The following LIX1 variants were observed in gnomAD, a reference collection of about 807,000 sequenced individuals.
LIX1 encodes protein limb expression 1 homolog.
In LIX1, 24 loss-of-function variants were observed where a neutral mutation model predicts 33.4. That is an observed-to-expected ratio of 0.72 (90% CI 0.52 to 1.01). The LOEUF (loss-of-function observed/expected upper bound fraction) is 1.01. LIX1 is among the 50% of genes least tolerant of loss of function. The probability of loss-of-function intolerance (pLI) is 0.00; values close to 1 mark genes in which losing one functional copy is unlikely to be tolerated. For synonymous variants in LIX1, 124 were observed against 124.0 expected (o/e 1.00, Z 0.00); for missense variants, 311 against 339.2 (o/e 0.92, Z 0.65).
At chr5:97,123,877 C>A (rs1747846078) in intron 2 of LIX1, among the ~76,000 whole-genome samples, 1 of 152,144 alleles carries the variant, frequency 6.6e-6, no homozygotes, top group Non-Finnish European at 1.5e-5. Context: ...CTGAATGCCT[C>A]AGTTCACATT....
intron 2 of LIX1, among the ~76,000 whole-genome samples, chr5:97,109,547 C>T (rs946631306): frequency 4.0e-5 from 6 of 151,772 alleles, no homozygotes; most frequent in African/African-American, 1.5e-4. Context: ...AGCCACTGGC[C>T]CCCTCATATA....
At position 97,094,463 on chromosome 5, in the gene LIX1, T is replaced by C; in HGVS notation, c.*285A>G. 2.4e-6 allele frequency: 1 copy of C among 411,664 alleles called. No individual in the cohort carries two copies. Among genetic ancestry groups the C allele is most frequent in the South Asian group, 4.2e-5 (1 of 23,790 alleles). The allele number at this position is 411,664 out of a possible 1,614,324, so 25.5% of individuals were successfully genotyped here. A position where few individuals can be genotyped will look rare whatever the true frequency, so the allele number is the denominator to read the frequency against. Reference sequence around the variant, plus strand: ...AGCAAGGCACGTGACAGTCAGGCTTTAGGTTGGAGCCAGGCCTGGAAAATG... The same window carrying C: ...AGCAAGGCACGTGACAGTCAGGCTTCAGGTTGGAGCCAGGCCTGGAAAATG... On this transcript the variant is annotated 3_prime_UTR_variant, in exon 6 of 6. Transcript: ENST00000274382.
Position 97,115,163 on chromosome 5 carries a change from T to C in LIX1, c.247-7663A>G, listed in dbSNP as rs941405647. On this transcript the variant is annotated intron_variant, in intron 2 of 5. Transcript: ENST00000274382. ...ATGTTGAGATTTAACCAAGATTAAT[T>C]TGTTGACCAGTAGGCTGTCCTGAAA... 1.3e-5 allele frequency among the ~76,000 whole-genome samples: 2 copies of C among 152,240 alleles called. 1 individual carries two copies. The highest frequency in any genetic ancestry group is 3.8e-4 in the East Asian group (2 of 5,204).
chr5:97,135,378 T>G (rs1748149831), intron 1 of LIX1, among the ~76,000 whole-genome samples: 1 of 152,216 alleles, frequency 6.6e-6, no homozygotes, highest in Non-Finnish European at 1.5e-5. Flanking sequence ...ATTCCACATA[T>G]GTGGTTTATA....
intron 2 of LIX1, among the ~76,000 whole-genome samples, chr5:97,119,135 T>G (rs1484339796): frequency 6.6e-6 from 1 of 152,188 alleles, no homozygotes; most frequent in Non-Finnish European, 1.5e-5. Flanking sequence ...CACAATCCAG[T>G]CCCATACTCC....
chr5:97,102,376 C>A (rs1442646698), intron 4 of LIX1, among the ~76,000 whole-genome samples: 1 of 151,998 alleles, frequency 6.6e-6, no homozygotes, highest in Non-Finnish European at 1.5e-5. Context: ...AAGCATTTAA[C>A]CCAGGCCACT....
chr5:97,110,017 C>A (rs78740731), intron 2 of LIX1, among the ~76,000 whole-genome samples: 1 of 152,192 alleles, frequency 6.6e-6, no homozygotes, highest in African/African-American at 2.4e-5. Context: ...CATATTTTTG[C>A]AATTGCAAAT....
chr5:97,136,582 C>A (rs1426071129), intron 1 of LIX1, among the ~76,000 whole-genome samples: 1 of 152,040 alleles, frequency 6.6e-6, no homozygotes, highest in Non-Finnish European at 1.5e-5. Context: ...ACAAAAACAC[C>A]ACATTGAAGC....
At chr5:97,129,634 A>G (rs1250149072) in intron 1 of LIX1, among the ~76,000 whole-genome samples, 1 of 152,194 alleles carries the variant, frequency 6.6e-6, no homozygotes, top group Non-Finnish European at 1.5e-5. Context: ...TTTTGCCTCT[A>G]TAGTCCATGT....
chr5:97,109,096 A>C (rs1176488188), intron 2 of LIX1, among the ~76,000 whole-genome samples: 2 of 151,844 alleles, frequency 1.3e-5, no homozygotes, highest in African/African-American at 4.8e-5. Context: ...CATCTCCACA[A>C]ACCTAGTTGG....
intron 1 of LIX1, among the ~76,000 whole-genome samples, chr5:97,129,683 C>T (rs995200014): frequency 6.6e-6 from 1 of 152,144 alleles, no homozygotes; most frequent in African/African-American, 2.4e-5. Flanking sequence ...TATAATAGAA[C>T]TTAAGTTATT....
intron 2 of LIX1, among the ~76,000 whole-genome samples, chr5:97,117,112 T>A (rs1448718199): frequency 6.6e-6 from 1 of 152,230 alleles, no homozygotes; most frequent in East Asian, 1.9e-4. Flanking sequence ...GTCATTAAGA[T>A]CTGATAATTA....
At chr5:97,105,084 A>T in intron 4 of LIX1, 106 bp downstream of exon 4, 1 of 1,050,710 alleles carries the variant, frequency 9.5e-7, no homozygotes, top group Non-Finnish European at 1.4e-6. Flanking sequence ...AAAAACACTT[A>T]AGACCAAAAG....
intron 1 of LIX1, among the ~76,000 whole-genome samples, chr5:97,134,440 A>T (rs1451849479): frequency 6.6e-6 from 1 of 152,170 alleles, no homozygotes; most frequent in East Asian, 1.9e-4. Context: ...TAAATTGATT[A>T]TCTACCTCTG....
Position 97,105,273 on chromosome 5 carries a change from C to T in LIX1, c.400G>A (p.Asp134Asn). 6.2e-7 allele frequency: 1 copy of T among 1,613,916 alleles called. No individual in the cohort carries two copies. Among genetic ancestry groups the T allele is most frequent in the Non-Finnish European group, 8.5e-7 (1 of 1,179,842 alleles). The change falls in exon 4 of 6, where the codon GAT becomes AAT. Residue 134 changes from aspartate to asparagine, a missense_variant. Physicochemically the swap from Asp to Asn is conservative, Grantham distance 23. Coordinates refer to ENST00000274382, the MANE Select transcript of LIX1 (RefSeq NM_153234.5). ...ACACTGGTGCTGGGGTCATCTGCAT[C>T]ATCTAAGGTGCCCTTGGGAAAGAAA... is the stretch of plus-strand genomic sequence containing the variant. ...AVASTSGTLD[D>N]ADDPSTSVGA...
intron 1 of LIX1, among the ~76,000 whole-genome samples, chr5:97,130,033 G>A (rs997323066): frequency 1.3e-5 from 2 of 152,228 alleles, no homozygotes; most frequent in African/African-American, 4.8e-5. Flanking sequence ...AGCAGTCCAT[G>A]TGCACGTAAA....
chr5:97,138,260 C>T (rs1179030737), intron 1 of LIX1, among the ~76,000 whole-genome samples: 2 of 152,182 alleles, frequency 1.3e-5, no homozygotes, highest in African/African-American at 4.8e-5. Flanking sequence ...ATTCTCATGG[C>T]TACAGTGACA....
intron 5 of LIX1, among the ~76,000 whole-genome samples, chr5:97,095,344 A>T (rs1225485161): frequency 2.6e-5 from 4 of 152,184 alleles, no homozygotes; most frequent in African/African-American, 7.2e-5. Context: ...ACATTCCTAC[A>T]ACAATTGGTG....
intron 1 of LIX1, among the ~76,000 whole-genome samples, chr5:97,130,233 G>A (rs903571223): frequency 4.6e-5 from 7 of 152,184 alleles, no homozygotes; most frequent in East Asian, 3.8e-4. Context: ...GGTTTCCCCC[G>A]TAGAGAGAAA....
Sources: gnomAD v4.1 joint callset for allele counts (sites outside exome capture counted in the v4.1 genomes callset) on GRCh38, gnomAD v4.1.1 for gene constraint, MANE v1.5 for transcripts, NCBI Gene and HGNC (gene_info 2026-07-23, HGNC 2026-07-21) for gene names.